The following NKAIN2 variants were observed in gnomAD, a reference collection of about 807,000 sequenced individuals.
The protein encoded by NKAIN2 is sodium/potassium-transporting ATPase subunit beta-1-interacting protein 2.
NKAIN2 carries 14 observed loss-of-function variants against 32.6 expected under a neutral mutation model. The observed-to-expected ratio is 0.43, with a 90% confidence interval of 0.28 to 0.67. The LOEUF (loss-of-function observed/expected upper bound fraction) is 0.67. Ranked by LOEUF, NKAIN2 falls within the 30% of genes least tolerant of loss-of-function variation. The pLI is 0.17. For synonymous variants in NKAIN2, 80 were observed against 87.2 expected, an observed-to-expected ratio of 0.92 and a Z score of 0.46; for missense variants, 198 against 258.3, an observed-to-expected ratio of 0.77 and a Z score of 1.60.
intron 3 of NKAIN2, among the ~76,000 whole-genome samples, chr6:124,474,302 A>G (rs1463936868): frequency 6.6e-6 from 1 of 152,136 alleles, no homozygotes; most frequent in African/African-American, 2.4e-5. Flanking sequence ...AAGAAGGAAA[A>G]GGAAAGATGT....
At chr6:124,478,797 A>G (rs536128476) in intron 3 of NKAIN2, among the ~76,000 whole-genome samples, 9 of 152,328 alleles carry the variant, frequency 5.9e-5, no homozygotes, top group African/African-American at 1.9e-4. Context: ...ATGACTATTC[A>G]TTCCTTTAGT....
At chr6:123,999,581 A>G (rs1779788331) in intron 1 of NKAIN2, among the ~76,000 whole-genome samples, 1 of 152,184 alleles carries the variant, frequency 6.6e-6, no homozygotes, top group South Asian at 2.1e-4. Flanking sequence ...ACTTTTCACA[A>G]ACTTAAGTTT....
chr6:124,256,997 T>C (rs1415586885), intron 1 of NKAIN2, among the ~76,000 whole-genome samples: 4 of 151,414 alleles, frequency 2.6e-5, no homozygotes, highest in Non-Finnish European at 5.9e-5. Flanking sequence ...TACAATCTTA[T>C]GCCTGAGATC....
chr6:123,975,232 G>A lies in NKAIN2; in HGVS notation c.54+170978G>A, dbSNP rs754554785. ...AATGTTGAATAAACTGGGTTTGAAA[G>A]AAATATTATAATTCGTTTTTAAAGG... On this transcript the variant is annotated intron_variant, in intron 1 of 6. Transcript: ENST00000368417. 1.2e-4 allele frequency among the ~76,000 whole-genome samples: 19 copies of A among 152,216 alleles called. No homozygotes were observed. The East Asian group carries it at 3.3e-3, about 26-fold the overall frequency.
At chr6:124,150,214 A>AT (rs1413378418) in intron 1 of NKAIN2, among the ~76,000 whole-genome samples, 1 of 152,044 alleles carries the variant, frequency 6.6e-6, no homozygotes, top group Non-Finnish European at 1.5e-5. Context: ...CTTTTTCAAA[A>AT]TTGTTTTGGC....
intron 1 of NKAIN2, among the ~76,000 whole-genome samples, chr6:124,086,765 A>G (rs910401971): frequency 2.6e-5 from 4 of 152,104 alleles, no homozygotes; most frequent in South Asian, 4.1e-4. Context: ...ACAATGAAAA[A>G]TAGTCTTATA....
At chr6:124,357,093 T>A (rs1432442164) in intron 3 of NKAIN2, among the ~76,000 whole-genome samples, 11 of 152,154 alleles carry the variant, frequency 7.2e-5, no homozygotes, top group Admixed American at 2.0e-4. Flanking sequence ...CACTAAGAAT[T>A]CTTCCAATGT....
intron 4 of NKAIN2, among the ~76,000 whole-genome samples, chr6:124,757,423 A>T (rs1006755673): frequency 1.3e-5 from 2 of 152,094 alleles, no homozygotes; most frequent in African/African-American, 4.8e-5. Flanking sequence ...TCCCAAATTT[A>T]CTAGATGTGT....
chr6:124,149,981 T>A (rs755934510), intron 1 of NKAIN2, among the ~76,000 whole-genome samples: 5 of 152,164 alleles, frequency 3.3e-5, no homozygotes, highest in Non-Finnish European at 7.3e-5. Flanking sequence ...GTCAGGGGCA[T>A]GGATGATCAA....
intron 3 of NKAIN2, among the ~76,000 whole-genome samples, chr6:124,604,316 TC>T (rs1562279779): frequency 1.3e-5 from 2 of 152,040 alleles, no homozygotes; most frequent in African/African-American, 4.8e-5. Context: ...TGCTAACTGC[TC>T]CCTTCCTTAT....
At chr6:124,666,156 A>G (rs1287526707) in intron 4 of NKAIN2, among the ~76,000 whole-genome samples, 4 of 152,188 alleles carry the variant, frequency 2.6e-5, no homozygotes, top group Non-Finnish European at 4.4e-5. Flanking sequence ...GCTTGTCAAA[A>G]GATAGTAATC....
At chr6:124,765,253 T>C (rs1278279632) in intron 4 of NKAIN2, among the ~76,000 whole-genome samples, 2 of 152,214 alleles carry the variant, frequency 1.3e-5, no homozygotes, top group African/African-American at 2.4e-5. Flanking sequence ...TCTGTAAGAA[T>C]AGAGTCTCAA....
chr6:124,425,313 T>A (rs1449371866), intron 3 of NKAIN2, among the ~76,000 whole-genome samples: 1 of 152,026 alleles, frequency 6.6e-6, no homozygotes, highest in Non-Finnish European at 1.5e-5. Flanking sequence ...TACACAATAA[T>A]CAATTCGAAA....
intron 3 of NKAIN2, among the ~76,000 whole-genome samples, chr6:124,613,399 A>G (rs966585707): frequency 1.3e-5 from 2 of 152,182 alleles, no homozygotes; most frequent in African/African-American, 4.8e-5. Context: ...CTTTGAATAA[A>G]TATCTCCTGT....
intron 3 of NKAIN2, among the ~76,000 whole-genome samples, chr6:124,427,516 C>T (rs1007679996): frequency 2.6e-5 from 4 of 152,088 alleles, no homozygotes; most frequent in African/African-American, 7.2e-5. Context: ...AAATGTAAAA[C>T]AGCTTCCAGG....
chr6:124,526,863 A>G (rs1024204815), intron 3 of NKAIN2, among the ~76,000 whole-genome samples: 2 of 152,130 alleles, frequency 1.3e-5, no homozygotes, highest in Admixed American at 1.3e-4. Context: ...TTTATATGTT[A>G]ATATATAGTA....
intron 1 of NKAIN2, among the ~76,000 whole-genome samples, chr6:124,041,088 A>T (rs1781850676): frequency 6.6e-6 from 1 of 152,052 alleles, no homozygotes; most frequent in African/African-American, 2.4e-5. Context: ...TAATAAGACC[A>T]CATTTTAGGA....
intron 3 of NKAIN2, among the ~76,000 whole-genome samples, chr6:124,624,277 G>A (rs530141270): frequency 1.3e-5 from 2 of 152,232 alleles, no homozygotes; most frequent in Admixed American, 6.5e-5. Context: ...TCTCTGTGAG[G>A]CCAATAGGAT....
At chr6:124,782,920 T>G (rs913291673) in intron 4 of NKAIN2, among the ~76,000 whole-genome samples, 2 of 152,150 alleles carry the variant, frequency 1.3e-5, no homozygotes, top group East Asian at 1.9e-4. Flanking sequence ...AGTTGCTTTT[T>G]ACATTTCCCA....
Sources: allele counts gnomAD v4.1 joint callset (sites outside exome capture counted in the v4.1 genomes callset), GRCh38; gene constraint gnomAD v4.1.1; transcripts MANE v1.5; gene names NCBI Gene and HGNC (gene_info 2026-07-23, HGNC 2026-07-21).